The following KIF11 variants were observed in gnomAD, a reference collection of about 807,000 sequenced individuals.
The protein encoded by KIF11 is kinesin family member 11.
KIF11 carries 9 observed loss-of-function variants against 121.0 expected under a neutral mutation model. That is an observed-to-expected ratio of 0.07 (90% CI 0.04 to 0.13). KIF11 has a LOEUF of 0.13. Among genes scored for constraint, KIF11 ranks in the 10% least tolerant of loss-of-function variants. The probability of loss-of-function intolerance (pLI) is 1.00; values close to 1 mark genes in which losing one functional copy is unlikely to be tolerated. For missense variants in KIF11, 846 were observed against 1,217.5 expected, an observed-to-expected ratio of 0.69 and a Z score of 4.54; for synonymous variants, 408 against 421.0, an observed-to-expected ratio of 0.97 and a Z score of 0.38.
rs116156722 is a variant in KIF11 at position 92,629,814 on chromosome 10, C to T, written c.1306-362C>T. On this transcript the variant is annotated intron_variant, in intron 11 of 21. Transcript: ENST00000260731. ...TTTTTTGTAGAGATGGAGTCAGTCT[C>T]GCTATGTTGCCCAGGCTGGTCTCAA... Among the ~76,000 whole-genome samples, 1,343 of 152,138 alleles carry T rather than the reference C, an allele frequency of 8.8e-3. 19 individuals carry two copies. The highest frequency in any genetic ancestry group is 0.031 in the African/African-American group (1,285 of 41,494).
At chr10:92,643,173 A>T (rs1844883032) in intron 17 of KIF11, among the ~76,000 whole-genome samples, 1 of 152,108 alleles carries the variant, frequency 6.6e-6, no homozygotes, top group South Asian at 2.1e-4. Flanking sequence ...TGGCCTCCCA[A>T]AGTGCTGGGA....
intron 21 of KIF11, 93 bp from the exon 22 acceptor site, chr10:92,653,572 C>A: frequency 1.6e-6 from 2 of 1,240,428 alleles, no homozygotes; most frequent in Non-Finnish European, 2.2e-6. Context: ...AGTTTTTTTG[C>A]CTATAACCCA....
At chr10:92,639,462 C>T (rs573578956) in intron 16 of KIF11, among the ~76,000 whole-genome samples, 6 of 152,072 alleles carry the variant, frequency 3.9e-5, no homozygotes, top group South Asian at 2.1e-4. Flanking sequence ...CATGGTGGCT[C>T]ATGCCTGTGT....
intron 11 of KIF11, among the ~76,000 whole-genome samples, chr10:92,629,334 A>C (rs1844710712): frequency 6.6e-6 from 1 of 152,080 alleles, no homozygotes; most frequent in Non-Finnish European, 1.5e-5. Flanking sequence ...TGACCCTTAT[A>C]CTGAAAGTAA....
chr10:92,607,247 G>A lies in KIF11; in HGVS notation c.387+10G>A, dbSNP rs17875334. 1 of 1,494,350 alleles carries A rather than the reference G, an allele frequency of 6.7e-7. No homozygotes were observed. The highest frequency in any genetic ancestry group is 9.3e-7 in the Non-Finnish European group (1 of 1,073,846). The allele number at this position is 1,494,350 out of a possible 1,614,324, so 92.6% of individuals were successfully genotyped here. ...GTATACCTGGGAAGAGGTATTTATT[G>A]TTTATAACATACTTTTATCTCTAAT... On this transcript the variant is annotated intron_variant, in intron 4 of 21. Transcript: ENST00000260731.
Position 92,613,280 on chromosome 10 carries a change from T to C in KIF11, c.790-97T>C. On this transcript the variant is annotated intron_variant, in intron 7 of 21. Transcript: ENST00000260731. This position sits in a 1 kb window ranked among gnomAD's most constrained non-coding sequence, Gnocchi z 4.2. ...TTGTTAATTACAGAAAAAATTATTT[T>C]GCTGGCGATTTAATACATTATGTAT... The C allele has an allele frequency of 9.1e-7, 1 of 1,099,394 alleles. No homozygotes were observed. The highest frequency in any genetic ancestry group is 1.3e-6 in the Non-Finnish European group (1 of 776,514). The allele number at this position is 1,099,394 out of a possible 1,614,324, so 68.1% of individuals were successfully genotyped here. A position where few individuals can be genotyped will look rare whatever the true frequency, so the allele number is the denominator to read the frequency against.
At chr10:92,636,279 T>C (rs1234627102) in intron 14 of KIF11, among the ~76,000 whole-genome samples, 3 of 152,226 alleles carry the variant, frequency 2.0e-5, no homozygotes, top group African/African-American at 7.2e-5. Context: ...TGAAATCTTA[T>C]TAACTGTCAT....
At chr10:92,600,859 CTTTCTTTT>C (rs1844361360) in intron 1 of KIF11, among the ~76,000 whole-genome samples, 1 of 151,556 alleles carries the variant, frequency 6.6e-6, no homozygotes, top group African/African-American at 2.4e-5. Flanking sequence ...TTTTCCTTTT[CTTTCTTTT>C]TTTCTTTTTT....
At position 92,650,621 on chromosome 10, in the gene KIF11, A is replaced by G. The variant is rs1044492564; in HGVS notation, c.3039+104A>G. ...TGAGCAGAACAACAAAAACCTTTCA[A>G]TTATTCCTTAGGATGGCTTGTTAAC... On this transcript the variant is annotated intron_variant, in intron 21 of 21. Coordinates refer to ENST00000260731, the MANE Select transcript of KIF11 (RefSeq NM_004523.4). 6.4e-5 allele frequency: 45 copies of G among 699,230 alleles called. 1 individual carries two copies. The highest frequency in any genetic ancestry group is 8.9e-5 in the African/African-American group (5 of 56,338). The allele number at this position is 699,230 out of a possible 1,614,324, so 43.3% of individuals were successfully genotyped here.
At chr10:92,620,326 C>T (rs938695250) in intron 9 of KIF11, among the ~76,000 whole-genome samples, 7 of 152,090 alleles carry the variant, frequency 4.6e-5, no homozygotes, top group African/African-American at 9.7e-5. Context: ...GTGATCCGCC[C>T]GCCTCGGCCT....
intron 10 of KIF11, among the ~76,000 whole-genome samples, chr10:92,624,670 C>T (rs11187105): frequency 0.2 from 30,883 of 151,904 alleles, 4,103 homozygotes; most frequent in East Asian, 0.59. Flanking sequence ...CTATGATGAA[C>T]ATATGTGTGC....
chr10:92,599,288 G>A (rs1844338699), intron 1 of KIF11, among the ~76,000 whole-genome samples: 1 of 151,610 alleles, frequency 6.6e-6, no homozygotes. Context: ...AGGCAAGGTG[G>A]GCCTCCCAAC....
intron 16 of KIF11, among the ~76,000 whole-genome samples, 194 bp downstream of exon 16, chr10:92,637,739 G>A (rs1045861874): frequency 3.3e-5 from 5 of 152,132 alleles, no homozygotes; most frequent in Admixed American, 2.6e-4. Flanking sequence ...TTGAAGTTTT[G>A]CTACATCTAG....
At chr10:92,595,391 CT>C (rs201736963) in intron 1 of KIF11, among the ~76,000 whole-genome samples, 31 of 147,268 alleles carry the variant, frequency 2.1e-4, no homozygotes, top group Admixed American at 3.4e-4. Context: ...ATTTTCTGAT[CT>C]TTTTTTTTTT....
intron 3 of KIF11, 65 bp from the exon 4 acceptor site, chr10:92,607,094 G>T: frequency 2.1e-6 from 2 of 960,368 alleles, no homozygotes; most frequent in African/African-American, 1.6e-5. Context: ...TGTTTTTCTA[G>T]TCTATCACTA....
chr10:92,602,855 T>TGG (rs1844388077), intron 1 of KIF11, among the ~76,000 whole-genome samples: 1 of 148,788 alleles, frequency 6.7e-6, no homozygotes, highest in African/African-American at 2.5e-5. Context: ...TGTGTGTGTG[T>TGG]GGTTTTTTGT....
intron 3 of KIF11, 121 bp from the exon 4 acceptor site, chr10:92,607,038 A>G: frequency 3.1e-6 from 2 of 648,690 alleles, no homozygotes; most frequent in Non-Finnish European, 5.5e-6. Context: ...CGGCCTCCCA[A>G]AGTGTTGGGA....
At chr10:92,630,141 A>G in intron 11 of KIF11, 35 bp from the exon 12 acceptor site, 1 of 1,098,894 alleles carries the variant, frequency 9.1e-7, no homozygotes, top group South Asian at 1.9e-5. Context: ...ATATCCTACC[A>G]GCCAGCTCAG....
At chr10:92,644,866 CTATATG>C (rs1481099513) in intron 17 of KIF11, among the ~76,000 whole-genome samples, 1 of 152,028 alleles carries the variant, frequency 6.6e-6, no homozygotes, top group Non-Finnish European at 1.5e-5. Flanking sequence ...TTACATTGTT[CTATATG>C]TATAATTTGT....
Sources: allele counts gnomAD v4.1 joint callset (sites outside exome capture counted in the v4.1 genomes callset), GRCh38; gene constraint gnomAD v4.1.1; non-coding constraint Gnocchi (gnomAD v3.1); transcripts MANE v1.5; gene names NCBI Gene and HGNC (gene_info 2026-07-23, HGNC 2026-07-21).